GNAT3: variants seen among roughly 807,000 people sequenced by gnomAD.
The protein encoded by GNAT3 is guanine nucleotide-binding protein G(t) subunit alpha-3.
In GNAT3, 31 loss-of-function variants were observed where a neutral mutation model predicts 37.7. That is an observed-to-expected ratio of 0.82 (90% CI 0.62 to 1.11). The LOEUF (loss-of-function observed/expected upper bound fraction) is 1.11. Ranked by LOEUF, GNAT3 falls within the 50% of genes most tolerant of loss-of-function variation. GNAT3 has a pLI of 0.00. For synonymous variants in GNAT3, 138 were observed against 139.8 expected, an observed-to-expected ratio of 0.99 and a Z score of 0.09; for missense variants, 437 against 412.5, an observed-to-expected ratio of 1.06 and a Z score of -0.51.
rs937181094 is a variant in GNAT3 at position 80,496,864 on chromosome 7, T to G, written c.119-2217A>C. On this transcript the variant is annotated intron_variant, in intron 1 of 7. Coordinates refer to ENST00000398291, the MANE Select transcript of GNAT3 (RefSeq NM_001102386.3). ...TCAGGACAACTTTTCTTTTTTTTTTTTTGGTCATAGCCATATGTAAATATA... is the reference window on the plus strand; with the variant it reads ...TCAGGACAACTTTTCTTTTTTTTTTGTTGGTCATAGCCATATGTAAATATA... Among the ~76,000 whole-genome samples the G allele has an allele frequency of 5.9e-5, 9 of 152,318 alleles. No individual in the cohort carries two copies. The East Asian group carries it at 1.7e-3, about 29-fold the overall frequency.
At chr7:80,474,208 A>C (rs150652695) in intron 5 of GNAT3, 43 bp downstream of exon 5, 1 of 1,578,328 alleles carries the variant, frequency 6.3e-7, no homozygotes, top group Admixed American at 1.8e-5. Flanking sequence ...ATTAAGCCTG[A>C]TGCATACTTC....
chr7:80,483,502 T>C lies in GNAT3; in HGVS notation c.304-4504A>G, dbSNP rs1790426059. On this transcript the variant is annotated intron_variant, in intron 3 of 7. Transcript: ENST00000398291. The stretch of plus-strand genomic sequence containing the variant: ...ATCGAACACTTAACTCCTATTTTAT[T>C]GTTATATTTTAAAAACTCTAGTAAT... Among the ~76,000 whole-genome samples the C allele has an allele frequency of 2.0e-5, 3 of 152,110 alleles. 1 individual carries two copies. The South Asian group carries it at 6.2e-4, about 32-fold the overall frequency.
At chr7:80,468,260 A>G (rs799929) in intron 5 of GNAT3, among the ~76,000 whole-genome samples, 46,059 of 151,726 alleles carry the variant, frequency 0.3, 7,539 homozygotes, top group East Asian at 0.6. Context: ...ATTGGATCAC[A>G]TGAGATTATT....
At chr7:80,495,365 T>G (rs929996430) in intron 1 of GNAT3, among the ~76,000 whole-genome samples, 4 of 152,178 alleles carry the variant, frequency 2.6e-5, no homozygotes, top group African/African-American at 4.8e-5. Flanking sequence ...AAGTGTTCCC[T>G]TTTCTCTACA....
chr7:80,461,544 T>G (rs1408004069), intron 7 of GNAT3, among the ~76,000 whole-genome samples: 3 of 151,902 alleles, frequency 2.0e-5, no homozygotes, highest in African/African-American at 7.2e-5. Flanking sequence ...AATATTTTTC[T>G]TATGTAATTT....
chr7:80,489,619 A>G (rs1790554006), intron 2 of GNAT3, among the ~76,000 whole-genome samples: 1 of 152,276 alleles, frequency 6.6e-6, no homozygotes, highest in East Asian at 1.9e-4. Context: ...GTAAAGGCAC[A>G]GCCTATATTT....
intron 4 of GNAT3, among the ~76,000 whole-genome samples, chr7:80,475,329 C>T (rs2116163830): frequency 6.7e-6 from 1 of 149,724 alleles, no homozygotes; most frequent in East Asian, 2.0e-4. Flanking sequence ...TCTCAGCTTC[C>T]TAACTCTTGA....
chr7:80,487,167 T>C (rs1024992756), intron 3 of GNAT3, among the ~76,000 whole-genome samples: 1 of 152,152 alleles, frequency 6.6e-6, no homozygotes, highest in African/African-American at 2.4e-5. Flanking sequence ...TGTTGTTTCT[T>C]AAGAGCCAAT....
At chr7:80,478,567 A>G (rs1790341769) in intron 4 of GNAT3, among the ~76,000 whole-genome samples, 1 of 152,162 alleles carries the variant, frequency 6.6e-6, no homozygotes, top group Admixed American at 6.6e-5. Context: ...AAAGGTTAAC[A>G]CTTTTTAATC....
At chr7:80,475,214 GT>G (rs554988361) in intron 4 of GNAT3, among the ~76,000 whole-genome samples, 1 of 151,694 alleles carries the variant, frequency 6.6e-6, no homozygotes, top group Non-Finnish European at 1.5e-5. Flanking sequence ...TGAATATGGT[GT>G]TTTTTTCCCC....
chr7:80,487,913 G>C (rs1279480078), intron 3 of GNAT3: 2 of 152,060 alleles, frequency 1.3e-5, no homozygotes, highest in Non-Finnish European at 2.9e-5. Flanking sequence ...TTTAAAGTAA[G>C]TGGATTTCAA....
rs144026959 is a variant in GNAT3, at chr7:80,490,145, A to G, written c.162-1469T>C. Among the ~76,000 whole-genome samples, 43 of 152,308 alleles carry G rather than the reference A, an allele frequency of 2.8e-4. No individual in the cohort carries two copies. The East Asian group carries it at 7.5e-3, about 27-fold the overall frequency. Reference sequence around the variant, plus strand: ...TGACATACTGTGTTATGTGTTAAAGAAATACATTATACAAGTCTCTCCTTC... The same window carrying G: ...TGACATACTGTGTTATGTGTTAAAGGAATACATTATACAAGTCTCTCCTTC... On this transcript the variant is annotated intron_variant, in intron 2 of 7. Coordinates refer to ENST00000398291, the MANE Select transcript of GNAT3 (RefSeq NM_001102386.3).
intron 4 of GNAT3, among the ~76,000 whole-genome samples, chr7:80,475,458 C>G (rs1790287828): frequency 6.6e-6 from 1 of 151,102 alleles, no homozygotes. Context: ...TTAGCAATAT[C>G]ACTATTTCTG....
At chr7:80,500,151 A>G (rs888072465) in intron 1 of GNAT3, among the ~76,000 whole-genome samples, 3 of 151,934 alleles carry the variant, frequency 2.0e-5, no homozygotes, top group East Asian at 1.9e-4. Context: ...ACATTCTGCC[A>G]CCTAGACCTG....
At chr7:80,474,589 CTATG>C (rs1790274804) in intron 4 of GNAT3, among the ~76,000 whole-genome samples, 1 of 152,142 alleles carries the variant, frequency 6.6e-6, no homozygotes, top group South Asian at 2.1e-4. Flanking sequence ...GCTTTCCAAA[CTATG>C]CTCATCGAAT....
chr7:80,469,525 T>C (rs1790174985), intron 5 of GNAT3, among the ~76,000 whole-genome samples: 1 of 152,166 alleles, frequency 6.6e-6, no homozygotes, highest in South Asian at 2.1e-4. Flanking sequence ...TCTGGTTTGA[T>C]AAGAACTCTA....
intron 5 of GNAT3, among the ~76,000 whole-genome samples, chr7:80,462,934 A>G (rs190123336): frequency 6.6e-6 from 1 of 152,300 alleles, no homozygotes; most frequent in East Asian, 1.9e-4. Flanking sequence ...GCCACAGAAG[A>G]TTTTGATAAA....
chr7:80,511,871 A>C lies in GNAT3; in HGVS notation c.56T>G (p.Leu19Arg), dbSNP rs1791072322. 1 of 1,612,362 alleles carries C rather than the reference A, an allele frequency of 6.2e-7. No individual in the cohort carries two copies. Among genetic ancestry groups the C allele is most frequent in the Non-Finnish European group, 8.5e-7 (1 of 1,179,012 alleles). The change falls in exon 1 of 8, where the codon CTG becomes CGG. Residue 19 changes from leucine (L) to arginine (R), a missense_variant. Coordinates refer to ENST00000398291, the MANE Select transcript of GNAT3 (RefSeq NM_001102386.3). ...SKESAKRSKELEKKLQEDAER... is the reference protein window; with the variant it reads ...SKESAKRSKEREKKLQEDAER... The stretch of plus-strand genomic sequence containing the variant: ...AGCATCCTCCTGAAGCTTTTTCTCC[A>C]GTTCTTTTGATCTTTTGGCTGACTC...
At chr7:80,498,725 T>C (rs529913182) in intron 1 of GNAT3, among the ~76,000 whole-genome samples, 9 of 152,218 alleles carry the variant, frequency 5.9e-5, no homozygotes, top group Non-Finnish European at 1.3e-4. Flanking sequence ...TCCTTCCAAA[T>C]TGTGGTCATC....
Sources: gnomAD v4.1 joint callset for allele counts (sites outside exome capture counted in the v4.1 genomes callset) on GRCh38, gnomAD v4.1.1 for gene constraint, MANE v1.5 for transcripts, NCBI Gene and HGNC (gene_info 2026-07-23, HGNC 2026-07-21) for gene names.